Variants in LRBA observed in about 807,000 individuals in gnomAD.
LRBA encodes the protein lipopolysaccharide-responsive and beige-like anchor protein.
Under a neutral mutation model 330.0 loss-of-function variants are expected in LRBA, and 176 were observed. That is an observed-to-expected ratio of 0.53 (90% confidence interval 0.47 to 0.60). The LOEUF (loss-of-function observed/expected upper bound fraction) is 0.60, where lower values mean the gene tolerates loss of function less well. Ranked by LOEUF, LRBA falls within the 20% of genes least tolerant of loss-of-function variation. The pLI is 0.00. For missense variants in LRBA, 3,259 were observed against 3,444.8 expected (o/e 0.95, Z 1.35); for synonymous variants, 1,230 against 1,193.0 (o/e 1.03, Z -0.64).
chr4:150,819,928 T>C (rs902843780), intron 30 of LRBA, among the ~76,000 whole-genome samples: 2 of 152,108 alleles, frequency 1.3e-5, no homozygotes, highest in African/African-American at 4.8e-5. Flanking sequence ...ATTTACATTT[T>C]ACATGTTCCT....
intron 50 of LRBA, among the ~76,000 whole-genome samples, chr4:150,316,200 T>C (rs1477675485): frequency 1.3e-5 from 2 of 152,166 alleles, no homozygotes; most frequent in Admixed American, 1.3e-4. Flanking sequence ...TTCTTAAAGA[T>C]TGGATTGAGG....
chr4:150,469,345 C>A (rs982344259), intron 43 of LRBA, among the ~76,000 whole-genome samples: 1 of 152,048 alleles, frequency 6.6e-6, no homozygotes, highest in Non-Finnish European at 1.5e-5. Context: ...TTTAAAAAAT[C>A]TAAAGCAAAT....
At chr4:150,949,804 A>G (rs915754617) in intron 2 of LRBA, among the ~76,000 whole-genome samples, 1 of 152,062 alleles carries the variant, frequency 6.6e-6, no homozygotes, top group African/African-American at 2.4e-5. Context: ...ACAGACATAC[A>G]TAATCCCAGC....
At chr4:150,887,062 A>G (rs911492776) in intron 17 of LRBA, among the ~76,000 whole-genome samples, 21 of 152,220 alleles carry the variant, frequency 1.4e-4, no homozygotes, top group Admixed American at 3.3e-4. Flanking sequence ...TATATGTTAT[A>G]TGCATGTATT....
chr4:150,645,254 G>A (rs1779020179), intron 37 of LRBA, among the ~76,000 whole-genome samples: 1 of 149,640 alleles, frequency 6.7e-6, no homozygotes, highest in African/African-American at 2.5e-5. Context: ...ACACTAAATG[G>A]TTTTAGAAAT....
chr4:150,749,673 G>T (rs1176442693), intron 35 of LRBA, among the ~76,000 whole-genome samples: 3 of 151,884 alleles, frequency 2.0e-5, no homozygotes, highest in African/African-American at 7.3e-5. Context: ...GAGGTGGGAG[G>T]ATCACATTAG....
chr4:150,915,976 A>T (rs1174013215), intron 7 of LRBA, among the ~76,000 whole-genome samples: 1 of 152,128 alleles, frequency 6.6e-6, no homozygotes, highest in Admixed American at 6.5e-5. Flanking sequence ...TACCCCAAAA[A>T]TCTGAAAATC....
intron 51 of LRBA, among the ~76,000 whole-genome samples, chr4:150,313,969 C>T (rs1322437931): frequency 6.6e-6 from 1 of 151,442 alleles, no homozygotes; most frequent in East Asian, 1.9e-4. Context: ...TGGAATTTTC[C>T]ACTTGTCTTG....
chr4:150,854,309 T>C (rs1012760942), intron 22 of LRBA, among the ~76,000 whole-genome samples: 8 of 152,218 alleles, frequency 5.3e-5, no homozygotes, highest in African/African-American at 1.9e-4. Flanking sequence ...AATGCATGTA[T>C]TCCTCACTAA....
intron 56 of LRBA, among the ~76,000 whole-genome samples, chr4:150,271,090 A>G (rs1029079136): frequency 2.6e-5 from 4 of 152,154 alleles, no homozygotes; most frequent in African/African-American, 9.7e-5. Context: ...TGCCTCACCC[A>G]TGGAAGCACA....
At chr4:151,002,866 T>C (rs527664428) in intron 2 of LRBA, among the ~76,000 whole-genome samples, 8 of 151,506 alleles carry the variant, frequency 5.3e-5, no homozygotes, top group African/African-American at 1.5e-4. Flanking sequence ...CCCAAAAAAT[T>C]AGCTGGGTGT....
Position 150,683,668 on chromosome 4 carries a change from C to T in LRBA, c.5804G>A (p.Cys1935Tyr), listed in dbSNP as rs1783250866. The change falls in exon 37 of 57, where the codon TGT becomes TAT. Residue 1935 changes from cysteine to tyrosine, a missense_variant. Transcript: ENST00000651943. ...SADKREDEKM[C>Y]DHLIRAAKYR... ...TTTTGCTGCTCTTATCAAATGATCACACATCTTCTCATCTTCTCGTTTGTC... is the reference window on the plus strand; with the variant it reads ...TTTTGCTGCTCTTATCAAATGATCATACATCTTCTCATCTTCTCGTTTGTC... 2 of 1,613,542 alleles carry T rather than the reference C, an allele frequency of 1.2e-6. No individual in the cohort carries two copies. Among genetic ancestry groups the T allele is most frequent in the South Asian group, 1.1e-5 (1 of 91,034 alleles).
chr4:150,795,007 T>G (rs1315307885), intron 34 of LRBA, among the ~76,000 whole-genome samples: 1 of 152,090 alleles, frequency 6.6e-6, no homozygotes, highest in Non-Finnish European at 1.5e-5. Context: ...ATTATTTATT[T>G]ATTAGATGTT....
At chr4:150,631,972 T>C (rs112366541) in intron 37 of LRBA, among the ~76,000 whole-genome samples, 5,132 of 152,320 alleles carry the variant, frequency 0.034, 243 homozygotes, top group African/African-American at 0.11. Flanking sequence ...GGCTCAAGCC[T>C]ATAATCCCAG....
At chr4:150,676,341 G>C (rs1372718695) in intron 37 of LRBA, among the ~76,000 whole-genome samples, 1 of 152,106 alleles carries the variant, frequency 6.6e-6, no homozygotes, top group Non-Finnish European at 1.5e-5. Flanking sequence ...TTTATTTATA[G>C]TTTTTCACTT....
intron 40 of LRBA, among the ~76,000 whole-genome samples, chr4:150,544,469 C>T (rs1444165612): frequency 1.3e-5 from 2 of 152,168 alleles, no homozygotes; most frequent in African/African-American, 2.4e-5. Context: ...AATACAATAA[C>T]CGCTCATCTT....
chr4:150,453,968 T>C (rs1278923991), intron 44 of LRBA, among the ~76,000 whole-genome samples: 1 of 152,180 alleles, frequency 6.6e-6, no homozygotes, highest in Non-Finnish European at 1.5e-5. Context: ...TAAAAGTTTT[T>C]TTTTTCTTTC....
In LRBA at chr4:150,837,619, C is replaced by T. The variant is rs539108940; in HGVS notation, c.4570-5643G>A. ...TCAGAGACTAGGATTGCAACCCCTG[C>T]CTTTTTTTGTTTTCCATTTGCTTGG... On this transcript the variant is annotated intron_variant, in intron 28 of 56. Coordinates refer to ENST00000651943, the MANE Select transcript of LRBA (RefSeq NM_001364905.1). Among the ~76,000 whole-genome samples, 231 of 152,180 alleles carry T rather than the reference C, an allele frequency of 1.5e-3. 1 individual carries two copies. Among genetic ancestry groups the T allele is most frequent in the African/African-American group, 5.2e-3 (217 of 41,514 alleles).
chr4:150,266,735 TAA>T (rs1261462034), intron 56 of LRBA, among the ~76,000 whole-genome samples: 1 of 152,104 alleles, frequency 6.6e-6, no homozygotes, highest in African/African-American at 2.4e-5. Flanking sequence ...TATCAGTCAT[TAA>T]AGAGATTAAA....
Sources: allele counts gnomAD v4.1 joint callset (sites outside exome capture counted in the v4.1 genomes callset), GRCh38; gene constraint gnomAD v4.1.1; transcripts MANE v1.5; gene names NCBI Gene and HGNC (gene_info 2026-07-23, HGNC 2026-07-21).